The following ALCAM variants were observed in gnomAD, a reference collection of about 807,000 sequenced individuals.
ALCAM encodes the protein activated leukocyte cell adhesion molecule.
A neutral mutation model predicts 70.9 loss-of-function variants in ALCAM; 30 were observed. The ratio of observed to expected loss-of-function variants is 0.42; its 90% CI spans 0.32 to 0.57. The LOEUF (loss-of-function observed/expected upper bound fraction) is 0.57. Ranked by LOEUF, ALCAM falls within the 20% of genes least tolerant of loss-of-function variation. The pLI is 0.11. For synonymous variants in ALCAM, 249 were observed against 242.5 expected (o/e 1.03, Z -0.25); for missense variants, 591 against 695.1 (o/e 0.85, Z 1.68).
intron 4 of ALCAM, 46 bp from the exon 5 acceptor site, chr3:105,533,557 G>A (rs1021670229): frequency 1.1e-5 from 17 of 1,538,266 alleles, no homozygotes; most frequent in Non-Finnish European, 1.5e-5. Flanking sequence ...CAAATTGACA[G>A]CCCCTGATTG....
chr3:105,451,168 G>A (rs1157736355), intron 1 of ALCAM, among the ~76,000 whole-genome samples: 2 of 152,046 alleles, frequency 1.3e-5, no homozygotes, highest in East Asian at 1.9e-4. Context: ...GAAGGCTAAG[G>A]TGGGAGGATT....
At chr3:105,563,136 C>G (rs946996548) in intron 14 of ALCAM, among the ~76,000 whole-genome samples, 1 of 144,532 alleles carries the variant, frequency 6.9e-6, no homozygotes, top group Admixed American at 7.0e-5. Flanking sequence ...AGGGTTGATT[C>G]TTTTTGAATA....
chr3:105,562,900 G>A (rs946870073), intron 14 of ALCAM, among the ~76,000 whole-genome samples: 1 of 152,156 alleles, frequency 6.6e-6, no homozygotes, highest in African/African-American at 2.4e-5. Flanking sequence ...CCGCCTCCCA[G>A]GTTCAAATGA....
chr3:105,493,103 G>A (rs1172898887), intron 1 of ALCAM, among the ~76,000 whole-genome samples: 1 of 152,088 alleles, frequency 6.6e-6, no homozygotes, highest in East Asian at 1.9e-4. Flanking sequence ...TGTAGTATGA[G>A]GAAAGCACTG....
At chr3:105,542,134 A>G (rs535937702) in intron 8 of ALCAM, among the ~76,000 whole-genome samples, 23 of 151,974 alleles carry the variant, frequency 1.5e-4, no homozygotes, top group African/African-American at 5.3e-4. Context: ...ACCCAGCATT[A>G]TCATTTGTGT....
chr3:105,425,763 T>TA (rs988370121), intron 1 of ALCAM, among the ~76,000 whole-genome samples: 1 of 150,996 alleles, frequency 6.6e-6, no homozygotes, highest in Non-Finnish European at 1.5e-5. Context: ...ATTTTTAATT[T>TA]TTTTTTTTTT....
chr3:105,530,486 G>A (rs1271461845), intron 3 of ALCAM, among the ~76,000 whole-genome samples: 1 of 151,892 alleles, frequency 6.6e-6, no homozygotes, highest in African/African-American at 2.4e-5. Flanking sequence ...CAATCAGGTA[G>A]TCAAGTGTCA....
At chr3:105,383,724 A>G (rs1198496259) in intron 1 of ALCAM, among the ~76,000 whole-genome samples, 1 of 151,714 alleles carries the variant, frequency 6.6e-6, no homozygotes, top group Non-Finnish European at 1.5e-5. Flanking sequence ...GAGTTTCCAT[A>G]TTGAACATAG....
At chr3:105,423,688 C>G (rs7428824) in intron 1 of ALCAM, among the ~76,000 whole-genome samples, 1 of 151,234 alleles carries the variant, frequency 6.6e-6, no homozygotes, top group South Asian at 2.1e-4. Context: ...TATACACACA[C>G]ATCTGTCATT....
At chr3:105,541,609 C>G in intron 7 of ALCAM, 24 bp from the exon 8 acceptor site, 1 of 1,609,164 alleles carries the variant, frequency 6.2e-7, no homozygotes, top group African/African-American at 1.3e-5. Flanking sequence ...GTATAATCAT[C>G]TGACATTTTG....
intron 6 of ALCAM, among the ~76,000 whole-genome samples, chr3:105,538,709 G>A (rs79961537): frequency 0.012 from 1,754 of 152,174 alleles, 40 homozygotes; most frequent in African/African-American, 0.041. Context: ...GCCCGGAAAC[G>A]GAAGGTCAGC....
At chr3:105,410,189 A>G (rs12491980) in intron 1 of ALCAM, among the ~76,000 whole-genome samples, 104,504 of 151,882 alleles carry the variant, frequency 0.69, 36,274 homozygotes, top group East Asian at 0.93. Flanking sequence ...ATGCTGTAAC[A>G]GAACCACCTG....
chr3:105,529,847 A>G (rs1318684030), intron 3 of ALCAM, among the ~76,000 whole-genome samples: 1 of 152,118 alleles, frequency 6.6e-6, no homozygotes, highest in East Asian at 1.9e-4. Context: ...AAAGCAAAGT[A>G]AAGTTATACA....
intron 1 of ALCAM, among the ~76,000 whole-genome samples, chr3:105,440,162 A>AT (rs1937140626): frequency 1.3e-5 from 2 of 152,208 alleles, no homozygotes; most frequent in African/African-American, 4.8e-5. Flanking sequence ...AAACCAAGTC[A>AT]TAACTAGAGA....
At chr3:105,384,814 T>C (rs952956740) in intron 1 of ALCAM, among the ~76,000 whole-genome samples, 1 of 151,670 alleles carries the variant, frequency 6.6e-6, no homozygotes, top group South Asian at 2.1e-4. Flanking sequence ...AATTGTAATC[T>C]CACTTTCAGC....
intron 1 of ALCAM, among the ~76,000 whole-genome samples, chr3:105,426,919 T>A (rs1019419582): frequency 6.6e-6 from 1 of 151,850 alleles, no homozygotes; most frequent in Non-Finnish European, 1.5e-5. Context: ...AAGCACAACT[T>A]AACAAAATAT....
intron 1 of ALCAM, among the ~76,000 whole-genome samples, chr3:105,462,399 T>G (rs1375517115): frequency 6.6e-6 from 1 of 151,578 alleles, no homozygotes; most frequent in Non-Finnish European, 1.5e-5. Context: ...ATTATATATT[T>G]TATGTAGCAT....
intron 1 of ALCAM, among the ~76,000 whole-genome samples, chr3:105,499,566 T>C: frequency 6.6e-6 from 1 of 152,328 alleles, no homozygotes; most frequent in South Asian, 2.1e-4. Flanking sequence ...TTTTTTGCCT[T>C]AAAACTGTAT....
At chr3:105,522,839 GC>G (rs1191074510) in intron 2 of ALCAM, among the ~76,000 whole-genome samples, 7 of 152,102 alleles carry the variant, frequency 4.6e-5, no homozygotes, top group Admixed American at 4.6e-4. Context: ...ACCAATTACT[GC>G]ATAGAAAGCC....
Sources: gnomAD v4.1 joint callset for allele counts (sites outside exome capture counted in the v4.1 genomes callset) on GRCh38, gnomAD v4.1.1 for gene constraint, MANE v1.5 for transcripts, NCBI Gene and HGNC (gene_info 2026-07-23, HGNC 2026-07-21) for gene names.